Variants in HHAT observed in about 807,000 individuals in gnomAD.
The protein encoded by HHAT is hedgehog acyltransferase.
HHAT carries 47 observed loss-of-function variants against 70.8 expected under a neutral mutation model. That is an observed-to-expected ratio of 0.66 (90% CI 0.53 to 0.85). HHAT has a LOEUF of 0.85. Ranked by LOEUF, HHAT falls within the 40% of genes least tolerant of loss-of-function variation. The pLI is 0.00. For synonymous variants in HHAT, 228 were observed against 247.6 expected (o/e 0.92, Z 0.74); for missense variants, 609 against 604.8 (o/e 1.01, Z -0.07).
intron 11 of HHAT, among the ~76,000 whole-genome samples, chr1:210,633,785 A>T (rs1299699104): frequency 6.6e-6 from 1 of 152,124 alleles, no homozygotes; most frequent in Non-Finnish European, 1.5e-5. Context: ...GCCACCCTGC[A>T]TCCCACCAAC....
chr1:210,642,477 G>A (rs1673170101), intron 11 of HHAT, among the ~76,000 whole-genome samples: 1 of 152,314 alleles, frequency 6.6e-6, no homozygotes, highest in African/African-American at 2.4e-5. Flanking sequence ...TCACAAGAGT[G>A]CATGAGGAAC....
chr1:210,649,957 G>A (rs1230611964), intron 11 of HHAT, among the ~76,000 whole-genome samples: 1 of 152,230 alleles, frequency 6.6e-6, no homozygotes, highest in Non-Finnish European at 1.5e-5. Flanking sequence ...TCAGTGACAA[G>A]TGTTAGGCTT....
At chr1:210,416,935 G>T (rs1454863751) in intron 6 of HHAT, among the ~76,000 whole-genome samples, 2 of 152,176 alleles carry the variant, frequency 1.3e-5, no homozygotes, top group Admixed American at 6.5e-5. Context: ...ACTCGGAAAG[G>T]TTAAGTAACT....
chr1:210,579,261 C>CCAG lies in HHAT; in HGVS notation c.1044-8634_1044-8632dup, dbSNP rs528753300. On this transcript the variant is annotated intron_variant, in intron 9 of 11. Coordinates refer to ENST00000261458, the MANE Select transcript of HHAT (RefSeq NM_018194.6). ...TGACATGAGTTTACCTATATAACAA[C>CCAG]CAGCACATGTACCCCTAAACTTAAA... Among the ~76,000 whole-genome samples the CCAG allele has an allele frequency of 5.3e-5, 8 of 152,126 alleles. No individual in the cohort carries two copies. In the South Asian group the frequency reaches 1.3e-3, roughly 24 times the overall value.
At chr1:210,630,049 G>A (rs746717037) in intron 11 of HHAT, among the ~76,000 whole-genome samples, 8 of 152,112 alleles carry the variant, frequency 5.3e-5, no homozygotes, top group Admixed American at 2.6e-4. Context: ...CACCATGTTC[G>A]TCAGGCTGGT....
At chr1:210,336,538 C>T (rs1415260233) in intron 1 of HHAT, among the ~76,000 whole-genome samples, 1 of 151,986 alleles carries the variant, frequency 6.6e-6, no homozygotes, top group Non-Finnish European at 1.5e-5. Flanking sequence ...AATCCCAGCA[C>T]TTTGGGAGGC....
intron 6 of HHAT, among the ~76,000 whole-genome samples, chr1:210,417,498 G>T (rs1184550464): frequency 6.6e-6 from 1 of 152,166 alleles, no homozygotes; most frequent in Non-Finnish European, 1.5e-5. Flanking sequence ...GCCTCCCAAA[G>T]TCCTGGGATT....
intron 8 of HHAT, among the ~76,000 whole-genome samples, chr1:210,481,827 G>T (rs2094401593): frequency 6.6e-6 from 1 of 152,220 alleles, no homozygotes; most frequent in Admixed American, 6.5e-5. Context: ...AGGCTTCATT[G>T]AGAAGGTGAT....
Position 210,623,439 on chromosome 1 carries a change from G to A in HHAT, c.1246-87G>A, listed in dbSNP as rs1669250133. 34 of 1,495,130 alleles carry A rather than the reference G, an allele frequency of 2.3e-5. No individual in the cohort carries two copies. The South Asian group carries it at 3.8e-4, about 17-fold the overall frequency. 92.6% of individuals were successfully genotyped at this position (1,495,130 alleles called of 1,614,324 possible). A position where few individuals can be genotyped will look rare whatever the true frequency, so the allele number is the denominator to read the frequency against. On this transcript the variant is annotated intron_variant, in intron 10 of 11. Coordinates refer to ENST00000261458, the MANE Select transcript of HHAT (RefSeq NM_018194.6). ...TTGGGCTCTGTGGGGAGGCGTCCTGGGCTGGTGACAGAGAAAGCTGGATGG... is the reference window on the plus strand; with the variant it reads ...TTGGGCTCTGTGGGGAGGCGTCCTGAGCTGGTGACAGAGAAAGCTGGATGG...
chr1:210,658,367 C>T (rs1254055299), intron 11 of HHAT, among the ~76,000 whole-genome samples: 3 of 152,168 alleles, frequency 2.0e-5, no homozygotes, highest in Admixed American at 6.5e-5. Flanking sequence ...ATATTTGCAG[C>T]AACTATCTTG....
At chr1:210,448,687 TG>T (rs1270802958) in intron 7 of HHAT, among the ~76,000 whole-genome samples, 1 of 152,192 alleles carries the variant, frequency 6.6e-6, no homozygotes, top group African/African-American at 2.4e-5. Context: ...TACTTTAAAC[TG>T]TTTTTCATTA....
At chr1:210,530,006 G>A (rs777307506) in intron 9 of HHAT, among the ~76,000 whole-genome samples, 80 of 152,150 alleles carry the variant, frequency 5.3e-4, no homozygotes, top group Non-Finnish European at 4.7e-4. Flanking sequence ...TTCTCACAGC[G>A]ACTCGGTGTT....
chr1:210,469,606 C>T (rs1180280609), intron 8 of HHAT, among the ~76,000 whole-genome samples: 1 of 152,098 alleles, frequency 6.6e-6, no homozygotes, highest in Non-Finnish European at 1.5e-5. Flanking sequence ...CTGATCATTA[C>T]ATAATTATAT....
chr1:210,408,586 A>G (rs557239475), intron 6 of HHAT, among the ~76,000 whole-genome samples: 36 of 152,304 alleles, frequency 2.4e-4, no homozygotes, highest in Non-Finnish European at 4.7e-4. Flanking sequence ...AGGCAGGCAC[A>G]GCAGCAGGGG....
At chr1:210,649,665 G>A (rs1240605285) in intron 11 of HHAT, among the ~76,000 whole-genome samples, 1 of 152,204 alleles carries the variant, frequency 6.6e-6, no homozygotes, top group Non-Finnish European at 1.5e-5. Flanking sequence ...GAATGACCTT[G>A]ACCTGTCCTA....
rs367560286 is a variant in HHAT at position 210,375,689 on chromosome 1, A to G, written c.160-11779A>G. ...TTTTTTTTTTGCCATTATTTCTTTG[A>G]ACGTATTTTTAACCTCATATTTTTT... On this transcript the variant is annotated intron_variant, in intron 3 of 11. Coordinates refer to ENST00000261458, the MANE Select transcript of HHAT (RefSeq NM_018194.6). Among the ~76,000 whole-genome samples, 40 of 150,656 alleles carry G rather than the reference A, an allele frequency of 2.7e-4. No individual in the cohort carries two copies. The East Asian group carries it at 5.4e-3, about 20-fold the overall frequency.
intron 10 of HHAT, among the ~76,000 whole-genome samples, chr1:210,595,811 T>A (rs1319670656): frequency 6.6e-6 from 1 of 152,070 alleles, no homozygotes; most frequent in Admixed American, 6.5e-5. Flanking sequence ...TTTGATGGGG[T>A]TGTTTGTTTT....
intron 9 of HHAT, among the ~76,000 whole-genome samples, chr1:210,555,798 G>C (rs945237719): frequency 1.3e-5 from 2 of 152,158 alleles, no homozygotes; most frequent in African/African-American, 4.8e-5. Context: ...ATTCTGCACT[G>C]GTGGCCTCAT....
intron 7 of HHAT, among the ~76,000 whole-genome samples, chr1:210,456,506 C>T (rs574460126): frequency 6.6e-6 from 1 of 152,178 alleles, no homozygotes; most frequent in African/African-American, 2.4e-5. Flanking sequence ...CATGCACAAC[C>T]AATTGTTTAG....
Sources: gnomAD v4.1 joint callset for allele counts (sites outside exome capture counted in the v4.1 genomes callset) on GRCh38, gnomAD v4.1.1 for gene constraint, MANE v1.5 for transcripts, NCBI Gene and HGNC (gene_info 2026-07-23, HGNC 2026-07-21) for gene names.